Variants in PCLO observed in about 807,000 individuals in gnomAD.
The protein encoded by PCLO is protein piccolo.
Under a neutral mutation model 427.5 loss-of-function variants are expected in PCLO, and 82 were observed. The ratio of observed to expected loss-of-function variants is 0.19; its 90% CI spans 0.16 to 0.23. The LOEUF (loss-of-function observed/expected upper bound fraction) is 0.23, where lower values mean the gene tolerates loss of function less well. PCLO is among the 10% of genes least tolerant of loss of function. The pLI, the probability that PCLO is intolerant of heterozygous loss-of-function variation, is 1.00. For synonymous variants in PCLO, 2,357 were observed against 2,155.4 expected (o/e 1.09, Z -2.59); for missense variants, 6,239 against 6,115.9 (o/e 1.02, Z -0.67).
At chr7:82,787,756 A>G (rs1184743976) in intron 22 of PCLO, among the ~76,000 whole-genome samples, 1 of 152,094 alleles carries the variant, frequency 6.6e-6, no homozygotes, top group Non-Finnish European at 1.5e-5. Context: ...CTCACGGCTG[A>G]CTATTTAAAA....
intron 22 of PCLO, among the ~76,000 whole-genome samples, chr7:82,786,370 A>G (rs17156666): frequency 0.076 from 11,528 of 152,226 alleles, 626 homozygotes; most frequent in East Asian, 0.15. Flanking sequence ...ATATTTTTCT[A>G]TACCAATAAA....
In PCLO at chr7:82,790,876, G is replaced by A. The variant is rs181130118; in HGVS notation, c.15007+10642C>T. ...ATACAGGATTAACAAGACTTTTCAAGGTGTCTTAGGTATGGCAGGCATATG... is the reference window on the plus strand; with the variant it reads ...ATACAGGATTAACAAGACTTTTCAAAGTGTCTTAGGTATGGCAGGCATATG... On this transcript the variant is annotated intron_variant, in intron 22 of 24. Coordinates refer to ENST00000333891, the MANE Select transcript of PCLO (RefSeq NM_033026.6). 7.9e-5 allele frequency among the ~76,000 whole-genome samples: 12 copies of A among 152,276 alleles called. No individual in the cohort carries two copies. The East Asian group carries it at 2.1e-3, about 27-fold the overall frequency.
At chr7:83,039,355 T>C (rs1583944008) in intron 3 of PCLO, among the ~76,000 whole-genome samples, 1 of 152,192 alleles carries the variant, frequency 6.6e-6, no homozygotes, top group South Asian at 2.1e-4. Flanking sequence ...AGCTCTTATA[T>C]TTAAGTTTTA....
At chr7:83,140,527 T>G (rs6966830) in intron 2 of PCLO, among the ~76,000 whole-genome samples, 1 of 152,156 alleles carries the variant, frequency 6.6e-6, no homozygotes, top group East Asian at 1.9e-4. Context: ...ATCTCCAGTG[T>G]ATATATGACA....
intron 3 of PCLO, among the ~76,000 whole-genome samples, chr7:82,978,851 C>CAA (rs1196551212): frequency 2.5e-3 from 224 of 91,288 alleles, no homozygotes; most frequent in African/African-American, 0.011. Flanking sequence ...CACACACACA[C>CAA]ACACAAACAC....
chr7:83,121,060 G>T (rs1421478375), intron 3 of PCLO, among the ~76,000 whole-genome samples: 1 of 152,142 alleles, frequency 6.6e-6, no homozygotes, highest in Admixed American at 6.6e-5. Flanking sequence ...GAGGTGGGCA[G>T]ATCACGAGGT....
intron 3 of PCLO, among the ~76,000 whole-genome samples, chr7:83,048,557 T>C (rs1789157698): frequency 1.3e-5 from 2 of 152,096 alleles, no homozygotes; most frequent in South Asian, 2.1e-4. Flanking sequence ...TACAATATTT[T>C]ACTCTTTCCC....
chr7:82,933,449 G>A (rs550134452), intron 6 of PCLO, among the ~76,000 whole-genome samples: 1 of 151,976 alleles, frequency 6.6e-6, no homozygotes, highest in African/African-American at 2.4e-5. Context: ...GTTTGCTGTG[G>A]GAAAAATGTC....
intron 4 of PCLO, among the ~76,000 whole-genome samples, chr7:82,961,449 T>A (rs758532499): frequency 1.6e-4 from 25 of 152,198 alleles, no homozygotes; most frequent in Non-Finnish European, 3.1e-4. Context: ...GCTTGAAAGT[T>A]GTGCTGGAGC....
intron 3 of PCLO, among the ~76,000 whole-genome samples, chr7:83,110,661 A>C (rs1196452696): frequency 1.2e-4 from 18 of 152,194 alleles, no homozygotes; most frequent in Non-Finnish European, 1.9e-4. Flanking sequence ...ATTAGACTTG[A>C]GTAATCTAAC....
intron 3 of PCLO, among the ~76,000 whole-genome samples, chr7:83,017,363 T>C (rs545552551): frequency 1.1e-4 from 17 of 152,044 alleles, no homozygotes; most frequent in South Asian, 4.2e-4. Context: ...TGTAATTGAA[T>C]AGGACAAAGA....
chr7:82,769,777 A>G (rs192974903), intron 22 of PCLO, among the ~76,000 whole-genome samples: 1 of 152,154 alleles, frequency 6.6e-6, no homozygotes, highest in South Asian at 2.1e-4. Context: ...GGTGCTAGCT[A>G]ATGAAGTCTG....
intron 22 of PCLO, among the ~76,000 whole-genome samples, chr7:82,787,770 C>A (rs1791014738): frequency 6.6e-6 from 1 of 151,958 alleles, no homozygotes; most frequent in African/African-American, 2.4e-5. Context: ...TTTAAAAAAA[C>A]CCTGTAAATT....
intron 3 of PCLO, among the ~76,000 whole-genome samples, chr7:83,092,686 A>G (rs1369788509): frequency 6.6e-6 from 1 of 152,158 alleles, no homozygotes; most frequent in Non-Finnish European, 1.5e-5. Context: ...ACGGTGGCTC[A>G]TGCCTGTAAT....
At chr7:83,069,897 C>T (rs1490791536) in intron 3 of PCLO, among the ~76,000 whole-genome samples, 5 of 150,650 alleles carry the variant, frequency 3.3e-5, no homozygotes, top group South Asian at 2.1e-4. Flanking sequence ...AGTACACCTT[C>T]GAGCCCTGTG....
intron 22 of PCLO, among the ~76,000 whole-genome samples, chr7:82,781,259 G>A (rs1790866189): frequency 1.3e-5 from 2 of 151,480 alleles, no homozygotes. Flanking sequence ...ATTATATTAT[G>A]ACTTACAATA....
intron 3 of PCLO, among the ~76,000 whole-genome samples, chr7:83,102,572 G>C (rs932077310): frequency 6.6e-6 from 1 of 151,888 alleles, no homozygotes; most frequent in African/African-American, 2.4e-5. Context: ...TATCAGGCAA[G>C]TTACTTAAAA....
At chr7:83,083,410 A>G (rs1221149487) in intron 3 of PCLO, among the ~76,000 whole-genome samples, 2 of 152,050 alleles carry the variant, frequency 1.3e-5, no homozygotes, top group African/African-American at 4.8e-5. Flanking sequence ...TTATCTGTGG[A>G]TGTAAAATTT....
In PCLO at chr7:82,792,328, A is replaced by T. The variant is rs140337398; in HGVS notation, c.15007+9190T>A. ...ATATAACAAAAGGTTGAATAATTTT[A>T]TGGCTCTTTTTTTTTTTTGACAAGG... On this transcript the variant is annotated intron_variant, in intron 22 of 24. Transcript: ENST00000333891. Among the ~76,000 whole-genome samples the T allele has an allele frequency of 3.6e-3, 537 of 150,548 alleles. 3 individuals are homozygous for T. The highest frequency in any genetic ancestry group is 0.013 in the African/African-American group (514 of 41,102).
Sources: gnomAD v4.1 joint callset for allele counts (sites outside exome capture counted in the v4.1 genomes callset) on GRCh38, gnomAD v4.1.1 for gene constraint, MANE v1.5 for transcripts, NCBI Gene and HGNC (gene_info 2026-07-23, HGNC 2026-07-21) for gene names.